The following STPG2 variants were observed in gnomAD, a reference collection of about 807,000 sequenced individuals.
STPG2 encodes the protein sperm-tail PG-rich repeat-containing protein 2.
In STPG2, 56 loss-of-function variants were observed where a neutral mutation model predicts 54.2. The observed-to-expected ratio is 1.03, with a 90% CI of 0.83 to 1.29. The LOEUF is 1.29. Among genes scored for constraint, STPG2 ranks in the 50% most tolerant of loss-of-function variants. The pLI, the probability that STPG2 is intolerant of heterozygous loss-of-function variation, is 0.00. For synonymous variants in STPG2, 200 were observed against 181.8 expected (o/e 1.10, Z -0.81); for missense variants, 596 against 544.9 (o/e 1.09, Z -0.93).
chr4:97,464,168 T>A (rs1205436520), intron 4 of STPG2, among the ~76,000 whole-genome samples: 1 of 152,180 alleles, frequency 6.6e-6, no homozygotes, highest in Non-Finnish European at 1.5e-5. Flanking sequence ...AAGCTACATT[T>A]AGCTCTGTAA....
intron 9 of STPG2, among the ~76,000 whole-genome samples, chr4:97,801,739 T>TA (rs1385837186): frequency 2.0e-5 from 3 of 152,184 alleles, no homozygotes; most frequent in African/African-American, 4.8e-5. Context: ...CCTTTTTTTT[T>TA]ACTTTCTTCA....
intron 5 of STPG2, among the ~76,000 whole-genome samples, chr4:98,062,690 A>C (rs1309338121): frequency 6.6e-6 from 1 of 152,096 alleles, no homozygotes; most frequent in Non-Finnish European, 1.5e-5. Flanking sequence ...TTGGTGCAAA[A>C]GCAATTGCAG....
chr4:97,918,764 A>G (rs1448464075), intron 8 of STPG2, among the ~76,000 whole-genome samples: 2 of 152,158 alleles, frequency 1.3e-5, no homozygotes, highest in Non-Finnish European at 2.9e-5. Flanking sequence ...GAGTTAAGCT[A>G]TGAGAACACA....
intron 9 of STPG2, among the ~76,000 whole-genome samples, chr4:97,714,510 A>T (rs1724229141): frequency 6.6e-6 from 1 of 152,184 alleles, no homozygotes; most frequent in Non-Finnish European, 1.5e-5. Flanking sequence ...TAGCTATCTA[A>T]AGTTCCTTGT....
At chr4:97,829,223 C>A (rs190047125) in intron 9 of STPG2, among the ~76,000 whole-genome samples, 1 of 152,162 alleles carries the variant, frequency 6.6e-6, no homozygotes, top group African/African-American at 2.4e-5. Context: ...TTGGTGATAC[C>A]CAGGCAAACA....
intron 4 of STPG2, among the ~76,000 whole-genome samples, chr4:97,453,331 C>A (rs762303637): frequency 1.6e-4 from 24 of 152,220 alleles, no homozygotes; most frequent in Non-Finnish European, 3.1e-4. Context: ...TGTGCAGTAT[C>A]TGGACCCCAC....
chr4:97,948,578 C>A (rs985584516), intron 7 of STPG2, among the ~76,000 whole-genome samples: 1 of 152,074 alleles, frequency 6.6e-6, no homozygotes, highest in Non-Finnish European at 1.5e-5. Context: ...CTTAGCACTG[C>A]ATTTGCTGTA....
At chr4:97,506,868 C>A (rs1208008979) in intron 4 of STPG2, among the ~76,000 whole-genome samples, 1 of 151,768 alleles carries the variant, frequency 6.6e-6, no homozygotes, top group African/African-American at 2.4e-5. Context: ...AAAGACAAAA[C>A]AGATGGAGCA....
chr4:97,859,139 C>T (rs962492759), intron 8 of STPG2, among the ~76,000 whole-genome samples: 2 of 152,118 alleles, frequency 1.3e-5, no homozygotes, highest in Non-Finnish European at 2.9e-5. Flanking sequence ...ATTTCCCTGA[C>T]AATTAGCAAT....
chr4:97,539,578 G>A (rs113228477), intron 4 of STPG2, among the ~76,000 whole-genome samples: 14 of 152,080 alleles, frequency 9.2e-5, no homozygotes, highest in Admixed American at 2.0e-4. Context: ...ACTTAGACTC[G>A]CACACAATAA....
chr4:97,543,203 C>G (rs1293219382), intron 4 of STPG2, among the ~76,000 whole-genome samples: 1 of 151,298 alleles, frequency 6.6e-6, no homozygotes, highest in African/African-American at 2.4e-5. Context: ...TTATTATACC[C>G]ACTTGAGACA....
At chr4:97,621,776 AT>A (rs1277120267) in intron 10 of STPG2, among the ~76,000 whole-genome samples, 1 of 152,186 alleles carries the variant, frequency 6.6e-6, no homozygotes, top group African/African-American at 2.4e-5. Flanking sequence ...AACTCATTCT[AT>A]GAGGACAGCA....
intron 5 of STPG2, among the ~76,000 whole-genome samples, chr4:98,100,761 T>C (rs1220119397): frequency 6.7e-6 from 1 of 148,290 alleles, no homozygotes; most frequent in Non-Finnish European, 1.5e-5. Context: ...CTGCAACCTC[T>C]GCCTCCCAGG....
chr4:97,476,641 T>G (rs1167116217), intron 4 of STPG2, among the ~76,000 whole-genome samples: 2 of 152,186 alleles, frequency 1.3e-5, no homozygotes, highest in Non-Finnish European at 2.9e-5. Context: ...ATGCTTGCTA[T>G]GAACATTTTC....
chr4:97,487,011 T>G (rs1730382037), intron 4 of STPG2, among the ~76,000 whole-genome samples: 1 of 151,286 alleles, frequency 6.6e-6, no homozygotes, highest in Non-Finnish European at 1.5e-5. Flanking sequence ...AACCAAACAC[T>G]GTATGTTCTC....
intron 5 of STPG2, among the ~76,000 whole-genome samples, chr4:98,047,348 T>C (rs1201879383): frequency 6.6e-6 from 1 of 151,952 alleles, no homozygotes; most frequent in Non-Finnish European, 1.5e-5. Flanking sequence ...CATACACTTA[T>C]TTAAACTTCC....
intron 5 of STPG2, among the ~76,000 whole-genome samples, chr4:98,051,161 C>A (rs1737309163): frequency 6.6e-6 from 1 of 152,076 alleles, no homozygotes; most frequent in Admixed American, 6.6e-5. Context: ...AGGTAGCTAG[C>A]TAGAAATGCC....
At chr4:97,654,725 A>C (rs1327256941) in intron 10 of STPG2, among the ~76,000 whole-genome samples, 1 of 152,136 alleles carries the variant, frequency 6.6e-6, no homozygotes, top group Non-Finnish European at 1.5e-5. Flanking sequence ...CAGTCAATAA[A>C]ATCTCTTGAA....
At chr4:97,657,700 T>A (rs960099729) in intron 10 of STPG2, among the ~76,000 whole-genome samples, 1 of 152,200 alleles carries the variant, frequency 6.6e-6, no homozygotes, top group Admixed American at 6.5e-5. Flanking sequence ...CATTGTTTGA[T>A]GTGAACTCAA....
Sources: gnomAD v4.1 joint callset for allele counts (sites outside exome capture counted in the v4.1 genomes callset) on GRCh38, gnomAD v4.1.1 for gene constraint, MANE v1.5 for transcripts, NCBI Gene and HGNC (gene_info 2026-07-23, HGNC 2026-07-21) for gene names.